Variants in TNRC18 observed in about 807,000 individuals in gnomAD.
The protein encoded by TNRC18 is trinucleotide repeat containing 18.
Under a neutral mutation model 226.7 loss-of-function variants are expected in TNRC18, and 69 were observed. The observed-to-expected ratio is 0.30, with a 90% CI of 0.25 to 0.37. The LOEUF (loss-of-function observed/expected upper bound fraction) is 0.37. Ranked by LOEUF, TNRC18 falls within the 10% of genes least tolerant of loss-of-function variation. The pLI is 1.00. For synonymous variants in TNRC18, 2,449 were observed against 1,927.6 expected, an observed-to-expected ratio of 1.27 and a Z score of -7.09; for missense variants, 4,754 against 4,256.6, an observed-to-expected ratio of 1.12 and a Z score of -3.25.
Position 5,313,326 on chromosome 7 carries a change from T to C in TNRC18, c.7565A>G (p.Asp2522Gly), listed in dbSNP as rs1464317869. ...CCCGGGCTCCTGGGCGAGGTCCCCG[T>C]CGGTGGCCTTGGGCCAGGGTGCCTT... ...EPKAPWPKAT[D>G]GDLAQEPGPG... Residue 2522 changes from aspartate (D) to glycine (G), a missense_variant, in exon 27 of 30, where the codon GAC (aspartate) becomes GGC (glycine). Coordinates refer to ENST00000430969, the MANE Select transcript of TNRC18 (RefSeq NM_001080495.3). 3 of 1,551,788 alleles carry C rather than the reference T, an allele frequency of 1.9e-6. No homozygotes were observed. Among genetic ancestry groups the C allele is most frequent in the Admixed American group, 3.9e-5 (2 of 51,308 alleles).
chr7:5,364,762 C>T (rs552671008), intron 11 of TNRC18, among the ~76,000 whole-genome samples: 2 of 150,292 alleles, frequency 1.3e-5, no homozygotes, highest in South Asian at 4.2e-4. Flanking sequence ...CATGATAGCC[C>T]CACTGTACCC....
At chr7:5,409,216 A>C (rs1781681985) in intron 2 of TNRC18, among the ~76,000 whole-genome samples, 4 of 151,942 alleles carry the variant, frequency 2.6e-5, no homozygotes, top group African/African-American at 9.7e-5. Context: ...GAAGTCTCCA[A>C]GGTGAAAGAG....
chr7:5,364,416 C>T (rs1793394454), intron 11 of TNRC18, among the ~76,000 whole-genome samples: 1 of 151,380 alleles, frequency 6.6e-6, no homozygotes, highest in Non-Finnish European at 1.5e-5. Flanking sequence ...CATGATCACA[C>T]CACTGCACTC....
chr7:5,347,571 G>C (rs566001492), intron 17 of TNRC18, among the ~76,000 whole-genome samples: 2 of 152,066 alleles, frequency 1.3e-5, no homozygotes, highest in African/African-American at 4.8e-5. Flanking sequence ...AGGCAGAAGC[G>C]GGAGGATCGC....
intron 5 of TNRC18, among the ~76,000 whole-genome samples, chr7:5,383,547 A>G (rs1294120320): frequency 6.6e-6 from 1 of 152,206 alleles, no homozygotes; most frequent in Non-Finnish European, 1.5e-5. Flanking sequence ...CAGAGCTTGG[A>G]CTTAAACCCA....
intron 25 of TNRC18, among the ~76,000 whole-genome samples, chr7:5,315,424 T>G (rs28605610): frequency 0.67 from 98,831 of 148,540 alleles, 33,685 homozygotes; most frequent in East Asian, 0.86. Context: ...GGGTTTTTTT[T>G]TTTTTTTTTT....
intron 2 of TNRC18, among the ~76,000 whole-genome samples, chr7:5,408,102 C>T (rs940042287): frequency 6.6e-6 from 1 of 152,084 alleles, no homozygotes; most frequent in African/African-American, 2.4e-5. Flanking sequence ...GAGATCGAGA[C>T]CATCCTGGCC....
At chr7:5,375,568 C>T (rs549526626) in intron 9 of TNRC18, among the ~76,000 whole-genome samples, 12 of 152,246 alleles carry the variant, frequency 7.9e-5, no homozygotes, top group Non-Finnish European at 1.2e-4. Context: ...CTACCTGGGC[C>T]GACTCCTCCA....
intron 17 of TNRC18, among the ~76,000 whole-genome samples, chr7:5,351,472 C>T (rs533738952): frequency 2.3e-3 from 110 of 48,382 alleles, no homozygotes; most frequent in African/African-American, 8.0e-3. Context: ...GGGCAGAAAA[C>T]GTGAGTGCGG....
At chr7:5,387,163 C>G (rs1779852727) in intron 5 of TNRC18, among the ~76,000 whole-genome samples, 1 of 152,174 alleles carries the variant, frequency 6.6e-6, no homozygotes, top group South Asian at 2.1e-4. Flanking sequence ...AACTCTCTAC[C>G]TACCTAAAAA....
intron 17 of TNRC18, among the ~76,000 whole-genome samples, chr7:5,351,061 G>A (rs1460684462): frequency 6.6e-6 from 1 of 152,160 alleles, no homozygotes; most frequent in Non-Finnish European, 1.5e-5. Context: ...AAAACATGAT[G>A]ATGCTGGAGG....
chr7:5,352,185 T>C (rs1791901205), intron 16 of TNRC18, 91 bp from the exon 17 acceptor site: 1 of 1,358,394 alleles, frequency 7.4e-7, no homozygotes, highest in Non-Finnish European at 9.9e-7. Flanking sequence ...GAGAACGTAC[T>C]GGAAGGTGCC....
intron 9 of TNRC18, among the ~76,000 whole-genome samples, chr7:5,375,511 A>T (rs1794573253): frequency 1.3e-5 from 2 of 152,196 alleles, no homozygotes; most frequent in Admixed American, 1.3e-4. Flanking sequence ...GGCAGAGCTA[A>T]GATTCAGACC....
At chr7:5,357,793 G>A (rs1228572777) in intron 15 of TNRC18, among the ~76,000 whole-genome samples, 1 of 152,192 alleles carries the variant, frequency 6.6e-6, no homozygotes, top group Non-Finnish European at 1.5e-5. Flanking sequence ...CAGCTTCAAT[G>A]TGTAACTCTG....
chr7:5,421,937 C>T (rs1042853843), intron 1 of TNRC18, among the ~76,000 whole-genome samples: 2 of 152,218 alleles, frequency 1.3e-5, no homozygotes, highest in Non-Finnish European at 2.9e-5. Context: ...ATCTGATCCG[C>T]AAAGTTTAAT....
chr7:5,332,471 T>A (rs745381543), intron 19 of TNRC18, 151 bp downstream of exon 19: 34 of 796,038 alleles, frequency 4.3e-5, no homozygotes, highest in Non-Finnish European at 6.3e-5. Flanking sequence ...CTGCTGTGGC[T>A]AAGTCCTAGC....
At chr7:5,372,850 C>T (rs891180210) in intron 10 of TNRC18, among the ~76,000 whole-genome samples, 1 of 152,104 alleles carries the variant, frequency 6.6e-6, no homozygotes, top group Non-Finnish European at 1.5e-5. Context: ...AAGCAAGACA[C>T]ATCTGTACAA....
intron 18 of TNRC18, 45 bp downstream of exon 18, chr7:5,345,517 G>GGGGGGCGCCCCCCCCCCCCCCCCCCCC: frequency 2.6e-6 from 1 of 377,744 alleles, no homozygotes; most frequent in Non-Finnish European, 4.8e-6. Context: ...AATGGCGTCC[G>GGGGGGCGCCCCCCCCCCCCCCCCCCCC]CCCCTCCCAC....
Position 5,389,471 on chromosome 7 carries a change from T to TTTTTTTTTTTTTCC in TNRC18, c.488-136_488-135insGGAAAAAAAAAAAA, listed in dbSNP as rs549108764. ...AGTGTTTTGGTTTTGGTTTTTTTTT[T>TTTTTTTTTTTTTCC]CAGAAAGAGTCTCGCTCTCCTCACC... is the stretch of plus-strand genomic sequence containing the variant. On this transcript the variant is annotated intron_variant, in intron 4 of 29. Coordinates refer to ENST00000430969, the MANE Select transcript of TNRC18 (RefSeq NM_001080495.3). 5.6e-4 allele frequency: 517 copies of TTTTTTTTTTTTTCC among 927,106 alleles called. 15 individuals carry two copies. The African/African-American group carries it at 9.3e-3, about 17-fold the overall frequency. The allele number at this position is 927,106 out of a possible 1,614,324, so 57.4% of individuals were successfully genotyped here.
Sources: allele counts gnomAD v4.1 joint callset (sites outside exome capture counted in the v4.1 genomes callset), GRCh38; gene constraint gnomAD v4.1.1; transcripts MANE v1.5; gene names NCBI Gene and HGNC (gene_info 2026-07-23, HGNC 2026-07-21).